The following CNTNAP1 variants were observed in gnomAD, a reference collection of about 807,000 sequenced individuals.
The protein encoded by CNTNAP1 is contactin-associated protein 1.
CNTNAP1 carries 80 observed loss-of-function variants against 161.5 expected under a neutral mutation model. The observed-to-expected ratio is 0.50, with a 90% CI of 0.41 to 0.60. CNTNAP1 has a LOEUF of 0.60. Among genes scored for constraint, CNTNAP1 ranks in the 20% least tolerant of loss-of-function variants. The probability of loss-of-function intolerance (pLI) is 0.00; values close to 1 mark genes in which losing one functional copy is unlikely to be tolerated. For synonymous variants in CNTNAP1, 695 were observed against 733.1 expected (o/e 0.95, Z 0.84); for missense variants, 1,464 against 1,854.8 (o/e 0.79, Z 3.87).
intron 18 of CNTNAP1, among the ~76,000 whole-genome samples, chr17:42,695,039 G>T (rs1384545189): frequency 1.3e-5 from 2 of 152,138 alleles, no homozygotes; most frequent in African/African-American, 2.4e-5. Flanking sequence ...CTGCCCCCTG[G>T]GCTCAAGCAA....
intron 9 of CNTNAP1, 73 bp downstream of exon 9, chr17:42,688,684 GC>G: frequency 1.2e-6 from 2 of 1,600,534 alleles, no homozygotes; most frequent in Non-Finnish European, 1.7e-6. Flanking sequence ...CCCAGATGGG[GC>G]CACATGGAGA....
intron 3 of CNTNAP1, 53 bp from the exon 4 acceptor site, chr17:42,684,936 TAA>T: frequency 6.3e-7 from 1 of 1,576,530 alleles, no homozygotes. Flanking sequence ...AAAAATAAAA[TAA>T]AAAAAAGAAG....
At chr17:42,690,359 A>C in intron 12 of CNTNAP1, 152 bp downstream of exon 12, 1 of 980,074 alleles carries the variant, frequency 1.0e-6, no homozygotes, top group Non-Finnish European at 1.5e-6. Flanking sequence ...TTAAAAGTAA[A>C]TCCCAAGCCA....
chr17:42,686,773 TG>T, intron 6 of CNTNAP1, 129 bp from the exon 7 acceptor site: 1 of 1,123,664 alleles, frequency 8.9e-7, no homozygotes. Context: ...GTACCGACAC[TG>T]GGGAAATGTG....
chr17:42,693,365 C>T lies in CNTNAP1; in HGVS notation c.2821C>T (p.Leu941=), dbSNP rs752103469. 1.2e-6 allele frequency: 2 copies of T among 1,614,110 alleles called. No individual in the cohort carries two copies. The highest frequency in any genetic ancestry group is 1.7e-6 in the Non-Finnish European group (2 of 1,180,050). ...GGCCATGCGTCTGAACGGAGTGACTCTGAACCTGGAGGGCCGTGCCAATGC... is the reference window on the plus strand; with the variant it reads ...GGCCATGCGTCTGAACGGAGTGACTTTGAACCTGGAGGGCCGTGCCAATGC... ...LRAMRLNGVT[L]NLEGRANASE... is the part of the protein sequence containing the mutation. Residue 941 remains leucine (L), a synonymous_variant, in exon 18 of 24, where the codon CTG becomes TTG. Coordinates refer to ENST00000264638, the MANE Select transcript of CNTNAP1 (RefSeq NM_003632.3).
rs2052975671 is a variant in CNTNAP1 at position 42,684,186 on chromosome 17, G to A, written c.320G>A (p.Arg107Gln). The stretch of plus-strand genomic sequence containing the variant: ...CGTTACATGCTACTCTACGGCGACC[G>A]AGTGGACAGCTGGACACCGTTCTAC... ...VTRYMLLYGDRVDSWTPFYQR... is the reference protein window; with the variant it reads ...VTRYMLLYGDQVDSWTPFYQR... Residue 107 changes from arginine (R) to glutamine (Q), a missense_variant, in exon 3 of 24, where the codon CGA becomes CAA. By Grantham distance (43) the Arg-to-Gln change is conservative. This residue lies in a region of CNTNAP1 where 1,383 missense variants were observed against 1,765.0 expected (regional missense o/e 0.78). Transcript: ENST00000264638. 5 of 1,613,928 alleles carry A rather than the reference G, an allele frequency of 3.1e-6. No homozygotes were observed. Among genetic ancestry groups the A allele is most frequent in the South Asian group, 1.1e-5 (1 of 91,088 alleles).
At chr17:42,696,251 T>C (rs1567976071) in intron 20 of CNTNAP1, 99 bp downstream of exon 20, 4 of 1,469,730 alleles carry the variant, frequency 2.7e-6, no homozygotes, top group Non-Finnish European at 3.7e-6. Context: ...GTAGATCACA[T>C]TTGAATGTAT....
Position 42,693,435 on chromosome 17 carries a change from C to G in CNTNAP1, c.2891C>G (p.Pro964Arg), listed in dbSNP as rs767975139. 3.1e-6 allele frequency: 5 copies of G among 1,614,236 alleles called. No individual in the cohort carries two copies. The highest frequency in any genetic ancestry group is 2.5e-6 in the Non-Finnish European group (3 of 1,180,054). The change falls in exon 18 of 24, where the codon CCT (proline) becomes CGT (arginine). Residue 964 changes from proline (P) to arginine (R), a missense_variant. Coordinates refer to ENST00000264638, the MANE Select transcript of CNTNAP1 (RefSeq NM_003632.3). ...AACTGCACAGGCCACTGTGCCCACC[C>G]TCGGCTCCCCTGTTTCCATGGAGGC... ...SPNCTGHCAH[P>R]RLPCFHGGRC...
chr17:42,697,620 G>A lies in CNTNAP1; in HGVS notation c.3635G>A (p.Gly1212Asp). 6.2e-7 allele frequency: 1 copy of A among 1,614,132 alleles called. No homozygotes were observed. Among genetic ancestry groups the A allele is most frequent in the Non-Finnish European group, 8.5e-7 (1 of 1,180,022 alleles). Residue 1212 changes from glycine to aspartate, a missense_variant, in exon 22 of 24, where the codon GGT (glycine) becomes GAT (aspartate). Gly to Asp is a moderately conservative substitution (Grantham distance 94, BLOSUM62 -1). Around this residue, in one of 3 missense-constraint regions of CNTNAP1, gnomAD observed 1,383 missense variants for 1,765.0 expected, o/e 0.78. Coordinates refer to ENST00000264638, the MANE Select transcript of CNTNAP1 (RefSeq NM_003632.3). ...CCAGGTTTCTCAGGCTGCCTGTCTG[G>A]TGTTCGATTCAACAACGTGGCTCCC... is the stretch of plus-strand genomic sequence containing the variant. Reference protein sequence around the residue: ...NTPGFSGCLSGVRFNNVAPLK... With the variant: ...NTPGFSGCLSDVRFNNVAPLK...
At chr17:42,689,438 C>A in intron 10 of CNTNAP1, 83 bp from the exon 11 acceptor site, 1 of 1,096,048 alleles carries the variant, frequency 9.1e-7, no homozygotes, top group Non-Finnish European at 1.3e-6. Flanking sequence ...CTTCAAGGAG[C>A]TGGGAGTGAA....
chr17:42,685,033 G>A lies in CNTNAP1; in HGVS notation c.406G>A (p.Asp136Asn), dbSNP rs774273492. The A allele has an allele frequency of 6.3e-7, 1 of 1,595,590 alleles. No homozygotes were observed. Among genetic ancestry groups the A allele is most frequent in the Non-Finnish European group, 8.5e-7 (1 of 1,173,148 alleles). The change falls in exon 4 of 24, where the codon GAC (aspartate) becomes AAC (asparagine). Residue 136 changes from aspartate (D) to asparagine (N), a missense_variant. Around this residue, in one of 3 missense-constraint regions of CNTNAP1, gnomAD observed 1,383 missense variants for 1,765.0 expected, o/e 0.78. Transcript: ENST00000264638. This position sits in a 1 kb window ranked among gnomAD's most constrained non-coding sequence, Gnocchi z 5.0. Reference sequence around the variant, plus strand: ...GAACGAGTCGGCGGTGGTGCGCCATGACCTGCACTTCCACTTCACTGCGCG... The same window carrying A: ...GAACGAGTCGGCGGTGGTGCGCCATAACCTGCACTTCCACTTCACTGCGCG... ...NVNESAVVRH[D>N]LHFHFTARYI...
At position 42,687,768 on chromosome 17, in the gene CNTNAP1, T is replaced by C. The variant is rs1314567822; in HGVS notation, c.1093T>C (p.Phe365Leu). Residue 365 changes from phenylalanine to leucine, a missense_variant, in exon 8 of 24, where the codon TTC becomes CTC. Around this residue, in one of 3 missense-constraint regions of CNTNAP1, gnomAD observed 1,383 missense variants for 1,765.0 expected, o/e 0.78. Transcript: ENST00000264638. This position sits in a 1 kb window ranked among gnomAD's most constrained non-coding sequence, Gnocchi z 4.7. ...CLDPVPHPIN[F>L]GGPHNFVQVP... ...GGACCCGGTACCGCACCCTATCAAC[T>C]TCGGAGGCCCTCACAACTTCGTTCA... is the stretch of plus-strand genomic sequence containing the variant. 1 of 1,614,036 alleles carries C rather than the reference T, an allele frequency of 6.2e-7. No homozygotes were observed. The highest frequency in any genetic ancestry group is 8.5e-7 in the Non-Finnish European group (1 of 1,180,026).
At position 42,685,488 on chromosome 17, in the gene CNTNAP1, A is replaced by G; in HGVS notation, c.715+68A>G. ...GCTCTCTCACCGCCCTCCTCGTGGC[A>G]CCTCCTCCGCGCATCCGCGCTCAGC... On this transcript the variant is annotated intron_variant, in intron 5 of 23. Transcript: ENST00000264638. The surrounding 1 kb of genome is among the most constrained non-coding windows in gnomAD (Gnocchi z 5.0). 1 of 1,458,696 alleles carries G rather than the reference A, an allele frequency of 6.9e-7. No individual in the cohort carries two copies. 90.4% of individuals were successfully genotyped at this position (1,458,696 alleles called of 1,614,324 possible). A position where few individuals can be genotyped will look rare whatever the true frequency, so the allele number is the denominator to read the frequency against.
chr17:42,684,916 C>A, intron 3 of CNTNAP1, 75 bp from the exon 4 acceptor site: 1 of 1,534,494 alleles, frequency 6.5e-7, no homozygotes, highest in Non-Finnish European at 8.7e-7. Flanking sequence ...CAGAGCGAGA[C>A]TCTGTCTCAA....
rs139502882 is a variant in CNTNAP1 at position 42,684,864 on chromosome 17, G to T, written c.364-127G>T. On this transcript the variant is annotated intron_variant, in intron 3 of 23. Coordinates refer to ENST00000264638, the MANE Select transcript of CNTNAP1 (RefSeq NM_003632.3). ...TGTTTGAACCCGGGAGGCAGAGGTT[G>T]CGGTGAGCCGAGATCGTACCACCGC... 2.8e-6 allele frequency: 3 copies of T among 1,069,370 alleles called. No individual in the cohort carries two copies. The Middle Eastern group carries it at 9.0e-4, about 322-fold the overall frequency. The allele number at this position is 1,069,370 out of a possible 1,614,324, so 66.2% of individuals were successfully genotyped here.
Position 42,683,871 on chromosome 17 carries a change from G to A in CNTNAP1, c.118G>A (p.Ala40Thr). The A allele has an allele frequency of 1.2e-6, 2 of 1,613,168 alleles. No individual in the cohort carries two copies. Among genetic ancestry groups the A allele is most frequent in the Admixed American group, 1.7e-5 (1 of 60,024 alleles). The change falls in exon 2 of 24, where the codon GCC (alanine) becomes ACC (threonine). Residue 40 changes from alanine (A) to threonine (T), a missense_variant. Transcript: ENST00000264638. ...VGPLYARSLGASSYYSLLTAP... is the reference protein window; with the variant it reads ...VGPLYARSLGTSSYYSLLTAP... ...TCCCCTGTATGCACGCTCCCTGGGC[G>A]CCTCCTCCTACTACAGTCTCCTTAC...
intron 6 of CNTNAP1, 67 bp downstream of exon 6, chr17:42,686,208 T>G: frequency 4.2e-5 from 62 of 1,470,872 alleles, no homozygotes; most frequent in Non-Finnish European, 5.1e-5. Context: ...CAGGTCGGTC[T>G]CTCCCTTTCT....
chr17:42,688,657 G>C (rs1319685810), intron 9 of CNTNAP1, 46 bp downstream of exon 9: 2 of 1,612,714 alleles, frequency 1.2e-6, no homozygotes, highest in African/African-American at 1.3e-5. Context: ...TGGGTGGGAA[G>C]GCTCCATCTA....
rs1440017163 is a variant in CNTNAP1, at chr17:42,686,045, G to A, written c.804G>A (p.Val268=). The change falls in exon 6 of 24, where the codon GTG becomes GTA. Residue 268 remains valine (V), a synonymous_variant. Transcript: ENST00000264638. ...LNDQHWHYVR[V]DRFGRDVNFT... ...ACCAGCACTGGCACTATGTGCGGGT[G>A]GACCGATTTGGCCGCGATGTAAATT... 2 of 1,614,140 alleles carry A rather than the reference G, an allele frequency of 1.2e-6. No homozygotes were observed. Among genetic ancestry groups the A allele is most frequent in the Admixed American group, 3.3e-5 (2 of 60,012 alleles).
Sources: allele counts gnomAD v4.1 joint callset (sites outside exome capture counted in the v4.1 genomes callset), GRCh38; gene constraint gnomAD v4.1.1; regional missense constraint gnomAD v4.1.1; non-coding constraint Gnocchi (gnomAD v3.1); transcripts MANE v1.5; gene names NCBI Gene and HGNC (gene_info 2026-07-23, HGNC 2026-07-21).